The following CARMIL1 variants were observed in gnomAD, a reference collection of about 807,000 sequenced individuals.
CARMIL1 encodes capping protein regulator and myosin 1 linker 1.
A neutral mutation model predicts 177.1 loss-of-function variants in CARMIL1; 90 were observed. That is an observed-to-expected ratio of 0.51 (90% CI 0.43 to 0.61). The LOEUF (loss-of-function observed/expected upper bound fraction) is 0.61, where lower values mean the gene tolerates loss of function less well. Ranked by LOEUF, CARMIL1 falls within the 20% of genes least tolerant of loss-of-function variation. The probability of loss-of-function intolerance (pLI) is 0.00; values close to 1 mark genes in which losing one functional copy is unlikely to be tolerated. For missense variants in CARMIL1, 1,380 were observed against 1,667.0 expected (o/e 0.83, Z 3.00); for synonymous variants, 577 against 606.2 (o/e 0.95, Z 0.71).
chr6:25,477,120 CAA>C (rs796882992), intron 11 of CARMIL1, among the ~76,000 whole-genome samples: 1 of 138,624 alleles, frequency 7.2e-6, no homozygotes, highest in Non-Finnish European at 1.6e-5. Flanking sequence ...CAAACAACAA[CAA>C]AAAAAAAACA....
At chr6:25,302,600 A>C (rs1293861512) in intron 2 of CARMIL1, among the ~76,000 whole-genome samples, 1 of 152,204 alleles carries the variant, frequency 6.6e-6, no homozygotes, top group Non-Finnish European at 1.5e-5. Context: ...TTGAGTACAA[A>C]TTTTAAGCCC....
chr6:25,563,827 G>T, intron 29 of CARMIL1: 1 of 985,344 alleles, frequency 1.0e-6, no homozygotes, highest in South Asian at 4.7e-5. Flanking sequence ...TTGCTTGGAT[G>T]CTGGAAGCTA....
chr6:25,597,460 C>T (rs1321003784), intron 32 of CARMIL1, among the ~76,000 whole-genome samples: 1 of 152,072 alleles, frequency 6.6e-6, no homozygotes, highest in Non-Finnish European at 1.5e-5. Flanking sequence ...TTTTGTTTTC[C>T]TTGGTGTTAA....
intron 2 of CARMIL1, among the ~76,000 whole-genome samples, chr6:25,307,965 G>A (rs575334318): frequency 2.6e-5 from 4 of 152,270 alleles, no homozygotes; most frequent in East Asian, 1.9e-4. Flanking sequence ...GTGTTGTTAC[G>A]GCAGGTGGCT....
intron 2 of CARMIL1, chr6:25,370,108 A>C (rs1790264419): frequency 6.6e-6 from 1 of 152,270 alleles, no homozygotes; most frequent in Non-Finnish European, 1.5e-5. Context: ...AAACAAGCGC[A>C]TTAAACTAGG....
chr6:25,488,650 A>G, intron 13 of CARMIL1, 65 bp downstream of exon 13: 4 of 1,294,998 alleles, frequency 3.1e-6, no homozygotes, highest in Non-Finnish European at 4.5e-6. Context: ...GAATAATTCT[A>G]AACATGTCTT....
intron 20 of CARMIL1, among the ~76,000 whole-genome samples, chr6:25,513,729 AG>A (rs1258468635): frequency 6.6e-6 from 1 of 152,204 alleles, no homozygotes; most frequent in Admixed American, 6.5e-5. Flanking sequence ...GCTGTCGTGT[AG>A]ACCACCCAGG....
At chr6:25,524,209 G>T (rs1247899015) in intron 23 of CARMIL1, among the ~76,000 whole-genome samples, 1 of 152,084 alleles carries the variant, frequency 6.6e-6, no homozygotes, top group East Asian at 1.9e-4. Flanking sequence ...AAAAGGATAA[G>T]AAATATTTCC....
At chr6:25,590,215 T>C (rs1371793249) in intron 31 of CARMIL1, among the ~76,000 whole-genome samples, 4 of 152,240 alleles carry the variant, frequency 2.6e-5, no homozygotes, top group Non-Finnish European at 5.9e-5. Flanking sequence ...TAATTTTGTT[T>C]TGGAATGAAT....
intron 9 of CARMIL1, among the ~76,000 whole-genome samples, chr6:25,470,119 A>G (rs1253275238): frequency 6.6e-6 from 1 of 152,110 alleles, no homozygotes; most frequent in African/African-American, 2.4e-5. Context: ...TACATGAGAC[A>G]TGTTTATTAA....
chr6:25,426,553 C>T lies in CARMIL1; in HGVS notation c.242C>T (p.Ser81Leu), dbSNP rs1166493556. Residue 81 changes from serine to leucine, a missense_variant, in exon 4 of 37, where the codon TCA becomes TTA. By Grantham distance (145) the Ser-to-Leu change is moderately radical. Transcript: ENST00000329474. ...LEIHGVVCSKSAQMIVETEKC... is the reference protein window; with the variant it reads ...LEIHGVVCSKLAQMIVETEKC... Reference sequence around the variant, plus strand: ...ATTCATGGCGTCGTTTGCAGCAAGTCAGCTCAGGTGAGTGTGAAAAATGGA... The same window carrying T: ...ATTCATGGCGTCGTTTGCAGCAAGTTAGCTCAGGTGAGTGTGAAAAATGGA... 4 of 1,612,090 alleles carry T rather than the reference C, an allele frequency of 2.5e-6. No homozygotes were observed. The South Asian group carries it at 4.4e-5, about 18-fold the overall frequency.
At chr6:25,451,986 G>GGGCC in intron 8 of CARMIL1, 1 of 112,672 alleles carries the variant, frequency 8.9e-6, no homozygotes, top group East Asian at 2.0e-4. Context: ...CTAGCATCTT[G>GGGCC]CCCCCCCCTC....
chr6:25,415,419 C>G (rs2150665864), intron 2 of CARMIL1, among the ~76,000 whole-genome samples: 1 of 152,164 alleles, frequency 6.6e-6, no homozygotes, highest in East Asian at 1.9e-4. Context: ...AAGGGCAAGT[C>G]AAGAGAAGAC....
chr6:25,322,881 C>T (rs1276839978), intron 2 of CARMIL1, among the ~76,000 whole-genome samples: 3 of 152,120 alleles, frequency 2.0e-5, no homozygotes, highest in South Asian at 4.1e-4. Flanking sequence ...AGTGGCATTC[C>T]GCACAGTCTG....
chr6:25,594,148 G>A (rs762055961), intron 31 of CARMIL1, among the ~76,000 whole-genome samples: 8 of 152,028 alleles, frequency 5.3e-5, no homozygotes, highest in East Asian at 1.9e-4. Flanking sequence ...CACTCGACTC[G>A]TCCTATCTGT....
At chr6:25,505,208 C>T (rs960103377) in intron 17 of CARMIL1, among the ~76,000 whole-genome samples, 2 of 152,150 alleles carry the variant, frequency 1.3e-5, no homozygotes, top group African/African-American at 4.8e-5. Flanking sequence ...TTTTTTGATG[C>T]AAGACAGTAT....
intron 2 of CARMIL1, among the ~76,000 whole-genome samples, chr6:25,417,058 T>C (rs535922905): frequency 2.0e-5 from 3 of 152,168 alleles, no homozygotes; most frequent in African/African-American, 7.2e-5. Flanking sequence ...TCAGCATTAT[T>C]ATCTTATTTC....
At chr6:25,364,159 G>A (rs1321598560) in intron 2 of CARMIL1, among the ~76,000 whole-genome samples, 1 of 152,058 alleles carries the variant, frequency 6.6e-6, no homozygotes, top group Non-Finnish European at 1.5e-5. Flanking sequence ...TGCCTCGGCT[G>A]GTCTTGAACT....
chr6:25,356,346 C>T (rs920749518), intron 2 of CARMIL1, among the ~76,000 whole-genome samples: 3 of 152,076 alleles, frequency 2.0e-5, no homozygotes, highest in Non-Finnish European at 1.5e-5. Flanking sequence ...CGTGAGCCAC[C>T]GCGCCCGGTC....
Sources: gnomAD v4.1 joint callset for allele counts (sites outside exome capture counted in the v4.1 genomes callset) on GRCh38, gnomAD v4.1.1 for gene constraint, MANE v1.5 for transcripts, NCBI Gene and HGNC (gene_info 2026-07-23, HGNC 2026-07-21) for gene names.